The following FILIP1L variants were observed in gnomAD, a reference collection of about 807,000 sequenced individuals.
FILIP1L encodes filamin A-interacting protein 1-like.
In FILIP1L, 55 loss-of-function variants were observed where a neutral mutation model predicts 96.6. The ratio of observed to expected loss-of-function variants is 0.57; its 90% CI spans 0.46 to 0.71. The LOEUF is 0.71. Among genes scored for constraint, FILIP1L ranks in the 30% least tolerant of loss-of-function variants. The pLI, the probability that FILIP1L is intolerant of heterozygous loss-of-function variation, is 0.00. For synonymous variants in FILIP1L, 467 were observed against 473.9 expected (o/e 0.99, Z 0.19); for missense variants, 1,304 against 1,321.2 (o/e 0.99, Z 0.20).
intron 5 of FILIP1L, among the ~76,000 whole-genome samples, chr3:99,845,618 C>T (rs1943329715): frequency 6.6e-6 from 1 of 152,136 alleles, no homozygotes; most frequent in East Asian, 1.9e-4. Context: ...ATCTCTTTCT[C>T]TCTCTCCTCT....
chr3:99,921,813 A>G (rs1310711947), intron 4 of FILIP1L, among the ~76,000 whole-genome samples: 1 of 152,220 alleles, frequency 6.6e-6, no homozygotes, highest in Non-Finnish European at 1.5e-5. Context: ...ATTTAGTAGT[A>G]TACACTTTAC....
At chr3:99,979,550 C>G (rs112844237) in intron 1 of FILIP1L, among the ~76,000 whole-genome samples, 44 of 151,968 alleles carry the variant, frequency 2.9e-4, no homozygotes, top group Admixed American at 2.2e-3. Context: ...AAGACTTGTT[C>G]TAATGAGAAA....
At chr3:99,833,079 G>A in intron 5 of FILIP1L, 1 of 668,096 alleles carries the variant, frequency 1.5e-6, no homozygotes, top group Non-Finnish European at 2.7e-6. Flanking sequence ...AGAGTTGGAG[G>A]CTCCTGGGTT....
At chr3:100,081,004 T>C (rs960803092) in intron 1 of FILIP1L, among the ~76,000 whole-genome samples, 7 of 152,228 alleles carry the variant, frequency 4.6e-5, no homozygotes, top group South Asian at 4.1e-4. Flanking sequence ...TCATTATTTA[T>C]TCAAGAACTA....
intron 4 of FILIP1L, among the ~76,000 whole-genome samples, chr3:99,855,525 T>C (rs902804561): frequency 2.0e-5 from 3 of 152,150 alleles, no homozygotes; most frequent in African/African-American, 2.4e-5. Flanking sequence ...GCTGTGAAAA[T>C]TGAGGCTCAC....
rs575921489 is a variant in FILIP1L at position 99,913,953 on chromosome 3, G to C, written c.605+10277C>G. Among the ~76,000 whole-genome samples the C allele has an allele frequency of 8.5e-5, 13 of 152,320 alleles. No individual in the cohort carries two copies. In the South Asian group the frequency reaches 2.7e-3, roughly 32 times the overall value. On this transcript the variant is annotated intron_variant, in intron 4 of 5. Transcript: ENST00000477258. ...ATTCATGGAAATAAATGGAGTGTAT[G>C]TGTATGATAAGTAGGGAGGAAATTT...
At chr3:99,843,162 GTTCA>G (rs1943208774) in intron 5 of FILIP1L, among the ~76,000 whole-genome samples, 1 of 152,134 alleles carries the variant, frequency 6.6e-6, no homozygotes. Flanking sequence ...CTTTGTTTTG[GTTCA>G]TCTAACTGCC....
intron 1 of FILIP1L, among the ~76,000 whole-genome samples, chr3:100,104,818 A>C (rs774355809): frequency 2.6e-5 from 4 of 152,144 alleles, no homozygotes; most frequent in Non-Finnish European, 5.9e-5. Flanking sequence ...CCTTACCCCC[A>C]AAACTGGCTG....
rs115253615 is a variant in FILIP1L at position 100,009,552 on chromosome 3, G to A, written c.-10-78522C>T. ...CTACACTGAGCCTTTTCACTTGATA[G>A]ACCAAGCTCTTAATTTCCCCAGGTT... On this transcript the variant is annotated intron_variant, in intron 1 of 5. Transcript: ENST00000477258. Among the ~76,000 whole-genome samples the A allele has an allele frequency of 2.8e-3, 426 of 152,256 alleles. 2 individuals are homozygous for A. The highest frequency in any genetic ancestry group is 9.7e-3 in the African/African-American group (402 of 41,554).
intron 1 of FILIP1L, among the ~76,000 whole-genome samples, chr3:99,965,158 G>A (rs186833851): frequency 2.6e-5 from 4 of 152,308 alleles, no homozygotes; most frequent in Admixed American, 6.5e-5. Context: ...TACTAGCCAA[G>A]CATATCACTT....
At chr3:99,869,496 AAATTCCAC>A (rs1317517643) in intron 4 of FILIP1L, among the ~76,000 whole-genome samples, 1 of 152,212 alleles carries the variant, frequency 6.6e-6, no homozygotes, top group African/African-American at 2.4e-5. Flanking sequence ...CATTTTCACA[AAATTCCAC>A]AGAGTAATTC....
At chr3:99,835,815 G>A (rs1309804940) in intron 5 of FILIP1L, among the ~76,000 whole-genome samples, 1 of 152,138 alleles carries the variant, frequency 6.6e-6, no homozygotes. Context: ...GAAACTCAGT[G>A]GAAAACTAAA....
chr3:99,983,403 T>A (rs1277064176), intron 1 of FILIP1L, among the ~76,000 whole-genome samples: 13 of 109,402 alleles, frequency 1.2e-4, no homozygotes, highest in African/African-American at 5.0e-4. Flanking sequence ...TATATATATA[T>A]ATATATATAT....
chr3:99,921,975 GCCCT>G (rs1327085267), intron 4 of FILIP1L, among the ~76,000 whole-genome samples: 1 of 152,096 alleles, frequency 6.6e-6, no homozygotes, highest in Non-Finnish European at 1.5e-5. Flanking sequence ...CTTCAGGATA[GCCCT>G]CTCCAGCCTT....
chr3:99,853,782 C>T (rs1261251828), intron 4 of FILIP1L, among the ~76,000 whole-genome samples: 1 of 152,188 alleles, frequency 6.6e-6, no homozygotes, highest in African/African-American at 2.4e-5. Flanking sequence ...TCTTGGGCCA[C>T]TCTCATGAGC....
chr3:99,863,156 G>T (rs1295605580), intron 4 of FILIP1L, among the ~76,000 whole-genome samples: 2 of 152,166 alleles, frequency 1.3e-5, no homozygotes, highest in African/African-American at 2.4e-5. Flanking sequence ...GGATGAAACT[G>T]TCCCACTCGG....
At chr3:99,956,183 T>G (rs986672808) in intron 1 of FILIP1L, among the ~76,000 whole-genome samples, 7 of 152,160 alleles carry the variant, frequency 4.6e-5, no homozygotes, top group Admixed American at 4.6e-4. Context: ...TTTCTTCCAC[T>G]TATTCCTTAA....
chr3:99,998,905 C>T (rs143612096), intron 1 of FILIP1L, among the ~76,000 whole-genome samples: 2 of 152,320 alleles, frequency 1.3e-5, no homozygotes, highest in African/African-American at 4.8e-5. Context: ...TTTCCCCCAA[C>T]TAGAAACTTT....
intron 1 of FILIP1L, chr3:100,010,264 C>T (rs1443813644): frequency 6.4e-6 from 2 of 314,430 alleles, no homozygotes; most frequent in African/African-American, 4.5e-5. Context: ...CAACATTGTC[C>T]TTAGTAGTAT....
Sources: gnomAD v4.1 joint callset for allele counts (sites outside exome capture counted in the v4.1 genomes callset) on GRCh38, gnomAD v4.1.1 for gene constraint, MANE v1.5 for transcripts, NCBI Gene and HGNC (gene_info 2026-07-23, HGNC 2026-07-21) for gene names.